SNX2: variants seen among roughly 807,000 people sequenced by gnomAD.
SNX2 encodes sorting nexin 2, also known as sorting nexin-2.
In SNX2, 25 loss-of-function variants were observed where a neutral mutation model predicts 69.9. That is an observed-to-expected ratio of 0.36 (90% CI 0.26 to 0.50). The LOEUF is 0.50. Ranked by LOEUF, SNX2 falls within the 20% of genes least tolerant of loss-of-function variation. SNX2 has a pLI of 0.97. For synonymous variants in SNX2, 229 were observed against 200.4 expected (o/e 1.14, Z -1.20); for missense variants, 551 against 613.3 (o/e 0.90, Z 1.07).
Position 122,817,266 on chromosome 5 carries a change from C to A in SNX2, c.913-14C>A. 6.2e-7 allele frequency: 1 copy of A among 1,609,900 alleles called. No homozygotes were observed. The highest frequency in any genetic ancestry group is 1.1e-5 in the South Asian group (1 of 90,754). Reference sequence around the variant, plus strand: ...TTCTTCCTAAATTAGCTCCATTTTTCATTTTTTTCTTAGTGGTTTGAAGAA... The same window carrying A: ...TTCTTCCTAAATTAGCTCCATTTTTAATTTTTTTCTTAGTGGTTTGAAGAA... On this transcript the variant is annotated splice_polypyrimidine_tract_variant and intron_variant, in intron 9 of 14. Transcript: ENST00000379516.
chr5:122,794,063 C>A (rs183146370), intron 1 of SNX2, among the ~76,000 whole-genome samples: 27 of 152,200 alleles, frequency 1.8e-4, no homozygotes, highest in African/African-American at 6.0e-4. Flanking sequence ...GTGATCCCAG[C>A]ACTTTGGGAG....
At chr5:122,794,280 C>T (rs1387888809) in intron 1 of SNX2, among the ~76,000 whole-genome samples, 2 of 152,212 alleles carry the variant, frequency 1.3e-5, no homozygotes, top group East Asian at 1.9e-4. Context: ...CATTGCACTC[C>T]AGCCTGGGCA....
chr5:122,828,279 AACAT>A (rs1227183255), intron 14 of SNX2, among the ~76,000 whole-genome samples: 1 of 152,124 alleles, frequency 6.6e-6, no homozygotes, highest in Non-Finnish European at 1.5e-5. Flanking sequence ...ATTTGTGTAA[AACAT>A]AATAGGTTGT....
chr5:122,777,415 T>C (rs976577617), intron 1 of SNX2, among the ~76,000 whole-genome samples: 6 of 152,254 alleles, frequency 3.9e-5, no homozygotes, highest in Admixed American at 1.3e-4. Context: ...GATTCTGATA[T>C]AGATCATCAG....
intron 7 of SNX2, among the ~76,000 whole-genome samples, chr5:122,809,990 T>C (rs1366321892): frequency 2.0e-5 from 3 of 152,040 alleles, no homozygotes; most frequent in Non-Finnish European, 4.4e-5. Context: ...TAAAGGTAAA[T>C]CGGATGGTTG....
At chr5:122,780,673 G>A (rs895943639) in intron 1 of SNX2, among the ~76,000 whole-genome samples, 7 of 150,872 alleles carry the variant, frequency 4.6e-5, no homozygotes, top group East Asian at 3.9e-4. Flanking sequence ...AGGTTCAAGC[G>A]ATTCTCCTGC....
chr5:122,790,172 G>T (rs1359016621), intron 1 of SNX2, among the ~76,000 whole-genome samples: 2 of 152,162 alleles, frequency 1.3e-5, no homozygotes, highest in Non-Finnish European at 2.9e-5. Flanking sequence ...AGGTTGGAGT[G>T]CAGTGGTGCG....
chr5:122,803,418 T>C, intron 5 of SNX2, 54 bp from the exon 6 acceptor site: 1 of 1,534,648 alleles, frequency 6.5e-7, no homozygotes, highest in East Asian at 2.3e-5. Context: ...AACATTAACT[T>C]GTGGAATAAT....
At position 122,795,324 on chromosome 5, in the gene SNX2, C is replaced by T. The variant is rs1383119326; in HGVS notation, c.167C>T (p.Ser56Phe). ...CCTGCAGAAGATATTAGTGCAAACTCCAATGGCCCAAAACCCACAGAAGTT... is the reference window on the plus strand; with the variant it reads ...CCTGCAGAAGATATTAGTGCAAACTTCAATGGCCCAAAACCCACAGAAGTT... ...SLPAEDISAN[S>F]NGPKPTEVVL... Residue 56 changes from serine to phenylalanine, a missense_variant, in exon 2 of 15, where the codon TCC (serine) becomes TTC (phenylalanine). Ser to Phe is a radical substitution (Grantham distance 155, BLOSUM62 -2). Around this residue, in one of 2 missense-constraint regions of SNX2, gnomAD observed 191 missense variants for 162.9 expected, o/e 1.17. Coordinates refer to ENST00000379516, the MANE Select transcript of SNX2 (RefSeq NM_003100.4). The T allele has an allele frequency of 6.2e-7, 1 of 1,613,852 alleles. No individual in the cohort carries two copies. The highest frequency in any genetic ancestry group is 2.2e-5 in the East Asian group (1 of 44,846).
chr5:122,809,599 GT>G (rs903307930), intron 7 of SNX2, among the ~76,000 whole-genome samples: 1 of 152,024 alleles, frequency 6.6e-6, no homozygotes, highest in Non-Finnish European at 1.5e-5. Context: ...AATTTCACTG[GT>G]TTTTTTGTTT....
At chr5:122,784,993 G>A (rs985271390) in intron 1 of SNX2, among the ~76,000 whole-genome samples, 8 of 152,060 alleles carry the variant, frequency 5.3e-5, no homozygotes, top group Non-Finnish European at 1.2e-4. Context: ...GAAATTTATG[G>A]GCATACTGTT....
chr5:122,809,616 C>T (rs918803633), intron 7 of SNX2, among the ~76,000 whole-genome samples: 1 of 152,016 alleles, frequency 6.6e-6, no homozygotes, highest in South Asian at 2.1e-4. Context: ...TGTTTGCTTG[C>T]TCTTTATTTT....
intron 7 of SNX2, among the ~76,000 whole-genome samples, chr5:122,812,243 C>G (rs1039804251): frequency 2.0e-5 from 3 of 152,210 alleles, no homozygotes; most frequent in Non-Finnish European, 4.4e-5. Context: ...AGCCAGAGTC[C>G]TTTTAATGGA....
intron 2 of SNX2, among the ~76,000 whole-genome samples, chr5:122,799,372 A>G (rs1333432060): frequency 1.3e-5 from 2 of 152,152 alleles, no homozygotes; most frequent in Admixed American, 6.6e-5. Context: ...GTAAGTTACC[A>G]CAAGTATAAG....
At chr5:122,812,707 G>T (rs184571625) in intron 7 of SNX2, among the ~76,000 whole-genome samples, 26 of 152,240 alleles carry the variant, frequency 1.7e-4, no homozygotes. Flanking sequence ...CTTCACCAGG[G>T]AAAGAATCTT....
intron 11 of SNX2, 135 bp from the exon 12 acceptor site, chr5:122,825,915 C>A: frequency 1.4e-6 from 1 of 697,910 alleles, no homozygotes; most frequent in Non-Finnish European, 2.1e-6. Context: ...GGCATACTTA[C>A]TTTCAGTATC....
chr5:122,816,516 A>G (rs1365404369), intron 8 of SNX2, among the ~76,000 whole-genome samples: 2 of 152,150 alleles, frequency 1.3e-5, no homozygotes, highest in African/African-American at 4.8e-5. Context: ...ACTCAAAATT[A>G]CACAAAGCTA....
At chr5:122,791,085 A>G (rs1753224003) in intron 1 of SNX2, among the ~76,000 whole-genome samples, 1 of 150,068 alleles carries the variant, frequency 6.7e-6, no homozygotes. Flanking sequence ...CCACTCTGCC[A>G]TATTTTTAGG....
chr5:122,834,543 A>C lies in SNX2; in HGVS notation c.*4895A>C, dbSNP rs1156791389. On this transcript the variant is annotated 3_prime_UTR_variant, in exon 15 of 15. Coordinates refer to ENST00000379516, the MANE Select transcript of SNX2 (RefSeq NM_003100.4). ...ACTAAGTCAGACAAAATTTAACAAA[A>C]CTAAATTGCCTTCTTACTGCTTCCA... 6.6e-6 allele frequency: 1 copy of C among 152,220 alleles called. No homozygotes were observed. Among genetic ancestry groups the C allele is most frequent in the Admixed American group, 6.5e-5 (1 of 15,280 alleles). 9.4% of individuals were successfully genotyped at this position (152,220 alleles called of 1,614,324 possible).
Sources: allele counts gnomAD v4.1 joint callset (sites outside exome capture counted in the v4.1 genomes callset), GRCh38; gene constraint gnomAD v4.1.1; regional missense constraint gnomAD v4.1.1; transcripts MANE v1.5; gene names NCBI Gene and HGNC (gene_info 2026-07-23, HGNC 2026-07-21).